SRGAP2: variants seen among roughly 807,000 people sequenced by gnomAD.
SRGAP2 encodes SLIT-ROBO Rho GTPase-activating protein 2.
In SRGAP2, 15 loss-of-function variants were observed where a neutral mutation model predicts 57.2. The observed-to-expected ratio is 0.26, with a 90% confidence interval of 0.18 to 0.40. The LOEUF (loss-of-function observed/expected upper bound fraction) is 0.40. Ranked by LOEUF, SRGAP2 falls within the 10% of genes least tolerant of loss-of-function variation. The probability of loss-of-function intolerance (pLI) is 1.00; values close to 1 mark genes in which losing one functional copy is unlikely to be tolerated. For synonymous variants in SRGAP2, 249 were observed against 248.0 expected, an observed-to-expected ratio of 1.00 and a Z score of -0.04; for missense variants, 520 against 669.6, an observed-to-expected ratio of 0.78 and a Z score of 2.47.
intron 2 of SRGAP2, among the ~76,000 whole-genome samples, chr1:206,233,109 A>G (rs1255021088): frequency 6.6e-6 from 1 of 151,208 alleles, no homozygotes; most frequent in Non-Finnish European, 1.5e-5. Context: ...TCCTTCCCCA[A>G]CTCCCCCTGT....
chr1:206,325,786 T>C (rs1465377178), intron 3 of SRGAP2, among the ~76,000 whole-genome samples: 151 of 152,280 alleles, frequency 9.9e-4, no homozygotes, highest in African/African-American at 3.5e-3. Flanking sequence ...AAGAGCATTG[T>C]TTTTTAAATT....
At chr1:206,291,041 G>A (rs1176120393) in intron 2 of SRGAP2, among the ~76,000 whole-genome samples, 3 of 151,296 alleles carry the variant, frequency 2.0e-5, no homozygotes, top group African/African-American at 4.9e-5. Context: ...TTAAGACAGC[G>A]AGAATGAGGA....
intron 2 of SRGAP2, among the ~76,000 whole-genome samples, chr1:206,298,796 C>T (rs1671724576): frequency 6.6e-6 from 1 of 151,728 alleles, no homozygotes; most frequent in Admixed American, 6.6e-5. Context: ...TTTTCTTAGC[C>T]CTGTTATGTG....
intron 17 of SRGAP2, among the ~76,000 whole-genome samples, chr1:206,444,817 G>T (rs909540517): frequency 6.6e-6 from 1 of 152,186 alleles, no homozygotes; most frequent in Non-Finnish European, 1.5e-5. Flanking sequence ...AACCTCCCCC[G>T]TTGCTGGCCT....
rs201447344 is a variant in SRGAP2 at position 206,333,184 on chromosome 1, G to A, written c.261-9662G>A. The A allele has an allele frequency of 7.9e-5, 36 of 457,404 alleles. 1 individual carries two copies. The highest frequency in any genetic ancestry group is 3.0e-4 in the Admixed American group (9 of 29,692). 28.3% of individuals were successfully genotyped at this position (457,404 alleles called of 1,614,324 possible). On this transcript the variant is annotated intron_variant, in intron 3 of 22. Coordinates refer to ENST00000573034, the MANE Select transcript of SRGAP2 (RefSeq NM_015326.5). ...TGCCCGTTCTCAGATCTCCAGCTGC[G>A]TGCTGGGAGAACCACTGCTCTCTTC... is the stretch of plus-strand genomic sequence containing the variant.
chr1:206,360,218 A>G (rs1407404758), intron 4 of SRGAP2, among the ~76,000 whole-genome samples: 2 of 149,792 alleles, frequency 1.3e-5, no homozygotes, highest in Non-Finnish European at 3.0e-5. Flanking sequence ...TGAGGAAGGT[A>G]TTTCAGGCAG....
chr1:206,290,641 C>CAAAAAAAAA (rs1237811129), intron 2 of SRGAP2, among the ~76,000 whole-genome samples: 2 of 45,206 alleles, frequency 4.4e-5, no homozygotes, highest in Non-Finnish European at 9.3e-5. Context: ...GACTCCATCT[C>CAAAAAAAAA]AAAAAAAAAA....
intron 3 of SRGAP2, among the ~76,000 whole-genome samples, chr1:206,327,019 C>T (rs1339431631): frequency 2.0e-5 from 3 of 151,938 alleles, no homozygotes; most frequent in African/African-American, 4.8e-5. Flanking sequence ...CAGAGCAAGA[C>T]CCCATCTCTG....
At chr1:206,230,186 C>T (rs1417571057) in intron 2 of SRGAP2, among the ~76,000 whole-genome samples, 2 of 151,570 alleles carry the variant, frequency 1.3e-5, no homozygotes, top group African/African-American at 4.9e-5. Flanking sequence ...CATTGGCATG[C>T]TTTGTAATGG....
chr1:206,439,259 A>T (rs1399360092), intron 16 of SRGAP2, among the ~76,000 whole-genome samples: 4 of 151,990 alleles, frequency 2.6e-5, no homozygotes, highest in Non-Finnish European at 5.9e-5. Flanking sequence ...ATGATGGAGG[A>T]CCTGTAATTG....
intron 2 of SRGAP2, among the ~76,000 whole-genome samples, chr1:206,257,973 G>A (rs1199939919): frequency 1.3e-5 from 2 of 151,766 alleles, no homozygotes; most frequent in Non-Finnish European, 2.9e-5. Flanking sequence ...AACGGCAAGT[G>A]CAGGGACCTA....
chr1:206,421,199 T>C, intron 12 of SRGAP2, 51 bp from the exon 13 acceptor site: 1 of 756,390 alleles, frequency 1.3e-6, no homozygotes, highest in South Asian at 1.4e-5. Flanking sequence ...TTTCTCTTTT[T>C]CTCCCTTGTT....
chr1:206,307,734 C>T (rs1336469944), intron 3 of SRGAP2, among the ~76,000 whole-genome samples: 2 of 152,248 alleles, frequency 1.3e-5, no homozygotes, highest in Non-Finnish European at 2.9e-5. Flanking sequence ...GCAGGGCTGG[C>T]CGGCTGCTCC....
chr1:206,451,458 C>T (rs1201459760), intron 19 of SRGAP2, among the ~76,000 whole-genome samples: 2 of 152,088 alleles, frequency 1.3e-5, no homozygotes, highest in African/African-American at 4.8e-5. Flanking sequence ...GTCTCAGCAG[C>T]TGACAAGGGG....
chr1:206,340,916 GT>G (rs1226930431), intron 3 of SRGAP2, among the ~76,000 whole-genome samples: 2 of 151,188 alleles, frequency 1.3e-5, no homozygotes, highest in African/African-American at 4.9e-5. Flanking sequence ...CCCTAAAAAG[GT>G]AAGTGTTGTC....
chr1:206,389,982 G>C (rs1656771065), intron 5 of SRGAP2, among the ~76,000 whole-genome samples: 1 of 150,514 alleles, frequency 6.6e-6, no homozygotes, highest in Admixed American at 6.6e-5. Flanking sequence ...ATATGTATAT[G>C]TACATAGATA....
At chr1:206,254,179 G>GTTTTTTTTTTTT (rs373417477) in intron 2 of SRGAP2, among the ~76,000 whole-genome samples, 8 of 47,118 alleles carry the variant, frequency 1.7e-4, no homozygotes, top group Non-Finnish European at 2.2e-4. Context: ...TGCTTTTTCT[G>GTTTTTTTTTTTT]TTTTTTTTTT....
intron 3 of SRGAP2, among the ~76,000 whole-genome samples, chr1:206,328,292 G>C (rs1674116759): frequency 9.2e-6 from 1 of 108,248 alleles, no homozygotes; most frequent in Non-Finnish European, 1.8e-5. Flanking sequence ...CTTTATAGCA[G>C]CATGATTTAT....
chr1:206,333,396 C>G, intron 3 of SRGAP2: 1 of 1,383,408 alleles, frequency 7.2e-7, no homozygotes, highest in Non-Finnish European at 1.0e-6. Flanking sequence ...TTGTCAACAG[C>G]TGTTATCTTC....
Sources: gnomAD v4.1 joint callset for allele counts (sites outside exome capture counted in the v4.1 genomes callset) on GRCh38, gnomAD v4.1.1 for gene constraint, MANE v1.5 for transcripts, NCBI Gene and HGNC (gene_info 2026-07-23, HGNC 2026-07-21) for gene names.